The following GALNTL6 variants were observed in gnomAD, a reference collection of about 807,000 sequenced individuals.
The protein encoded by GALNTL6 is polypeptide N-acetylgalactosaminyltransferase-like 6.
Under a neutral mutation model 73.7 loss-of-function variants are expected in GALNTL6, and 46 were observed. The observed-to-expected ratio is 0.62, with a 90% CI of 0.49 to 0.80. GALNTL6 has a LOEUF of 0.80. Among genes scored for constraint, GALNTL6 ranks in the 30% least tolerant of loss-of-function variants. GALNTL6 has a pLI of 0.00. For synonymous variants in GALNTL6, 259 were observed against 263.7 expected (o/e 0.98, Z 0.17); for missense variants, 604 against 755.0 (o/e 0.80, Z 2.34).
chr4:171,884,446 G>A (rs776270202), intron 2 of GALNTL6, among the ~76,000 whole-genome samples: 22 of 151,950 alleles, frequency 1.4e-4, no homozygotes, highest in Non-Finnish European at 2.9e-4. Flanking sequence ...AGAGAAAACA[G>A]GCACAAGAAG....
At chr4:171,837,633 TATATA>T (rs1182710863) in intron 2 of GALNTL6, among the ~76,000 whole-genome samples, 3 of 147,162 alleles carry the variant, frequency 2.0e-5, no homozygotes, top group African/African-American at 4.9e-5. Context: ...TGTATATATT[TATATA>T]ATATATTAAT....
chr4:172,551,673 T>C (rs1735958580), intron 5 of GALNTL6, among the ~76,000 whole-genome samples: 1 of 152,114 alleles, frequency 6.6e-6, no homozygotes. Flanking sequence ...TCTGTAACAG[T>C]AATTTGGTAG....
intron 10 of GALNTL6, among the ~76,000 whole-genome samples, chr4:172,959,039 C>G (rs1019679499): frequency 6.6e-6 from 1 of 152,132 alleles, no homozygotes; most frequent in Admixed American, 6.5e-5. Flanking sequence ...AGTTTATAGG[C>G]TTTAAAAGGC....
intron 7 of GALNTL6, among the ~76,000 whole-genome samples, chr4:172,826,937 C>T (rs894015360): frequency 3.9e-5 from 6 of 152,356 alleles, no homozygotes; most frequent in African/African-American, 1.4e-4. Flanking sequence ...TTCTCCTCCA[C>T]TCTCAGGATG....
chr4:172,422,115 C>T (rs1731072227), intron 5 of GALNTL6, among the ~76,000 whole-genome samples: 1 of 152,112 alleles, frequency 6.6e-6, no homozygotes, highest in Non-Finnish European at 1.5e-5. Flanking sequence ...GCAACAATAA[C>T]AACCTCATAG....
intron 2 of GALNTL6, among the ~76,000 whole-genome samples, chr4:171,906,817 C>G (rs1737297556): frequency 6.6e-6 from 1 of 152,138 alleles, no homozygotes; most frequent in South Asian, 2.1e-4. Flanking sequence ...GGCTTCATCC[C>G]TGGGATGCAA....
chr4:172,616,751 C>T (rs1423677689), intron 5 of GALNTL6, among the ~76,000 whole-genome samples: 3 of 152,106 alleles, frequency 2.0e-5, no homozygotes, highest in Non-Finnish European at 4.4e-5. Flanking sequence ...GTGAACAACC[C>T]AGGCTAAGGG....
intron 2 of GALNTL6, among the ~76,000 whole-genome samples, chr4:171,838,926 AC>A (rs1297296489): frequency 6.6e-6 from 1 of 152,160 alleles, no homozygotes; most frequent in African/African-American, 2.4e-5. Context: ...CACTCTAGGG[AC>A]TGCTCTCTGC....
chr4:172,926,432 C>T (rs1489469995), intron 8 of GALNTL6, among the ~76,000 whole-genome samples: 1 of 152,174 alleles, frequency 6.6e-6, no homozygotes, highest in Non-Finnish European at 1.5e-5. Context: ...AAATACTCTC[C>T]TAAGATGCAT....
At chr4:172,067,956 C>T (rs1362078309) in intron 2 of GALNTL6, among the ~76,000 whole-genome samples, 1 of 109,732 alleles carries the variant, frequency 9.1e-6, no homozygotes, top group East Asian at 2.1e-4. Flanking sequence ...GAATCAGTTC[C>T]TCTTGGGGTG....
At chr4:172,128,090 C>G (rs1340376959) in intron 2 of GALNTL6, among the ~76,000 whole-genome samples, 1 of 151,356 alleles carries the variant, frequency 6.6e-6, no homozygotes, top group Non-Finnish European at 1.5e-5. Context: ...GACGACAGAA[C>G]AAGATTCCGT....
intron 5 of GALNTL6, among the ~76,000 whole-genome samples, chr4:172,503,874 T>G (rs1469650889): frequency 1.8e-5 from 1 of 56,232 alleles, no homozygotes; most frequent in East Asian, 0.012. Context: ...AAGGACAGAG[T>G]CCAAGCACAG....
intron 5 of GALNTL6, among the ~76,000 whole-genome samples, chr4:172,374,084 T>G (rs1742933197): frequency 6.6e-6 from 1 of 152,180 alleles, no homozygotes; most frequent in Non-Finnish European, 1.5e-5. Context: ...CACCTTCCAG[T>G]GATTGCCTCG....
At chr4:172,866,436 A>G (rs893541596) in intron 7 of GALNTL6, among the ~76,000 whole-genome samples, 1 of 152,184 alleles carries the variant, frequency 6.6e-6, no homozygotes, top group East Asian at 1.9e-4. Context: ...AGTTTTTTCC[A>G]TTGTCCAGTG....
intron 2 of GALNTL6, among the ~76,000 whole-genome samples, chr4:172,023,390 A>G (rs1168926605): frequency 5.3e-5 from 8 of 151,860 alleles, no homozygotes; most frequent in Non-Finnish European, 1.0e-4. Context: ...CTGCTATGCA[A>G]TTATCAAGTA....
intron 2 of GALNTL6, among the ~76,000 whole-genome samples, chr4:172,015,174 T>C (rs1421348906): frequency 6.6e-6 from 1 of 152,108 alleles, no homozygotes; most frequent in East Asian, 1.9e-4. Flanking sequence ...ACTATTATTG[T>C]GGTGCCCTCT....
chr4:172,444,539 T>A (rs1731950646), intron 5 of GALNTL6, among the ~76,000 whole-genome samples: 1 of 152,222 alleles, frequency 6.6e-6, no homozygotes, highest in Non-Finnish European at 1.5e-5. Flanking sequence ...GATACTTCCA[T>A]GCCTCAGACC....
At chr4:172,294,196 C>A (rs1039710113) in intron 3 of GALNTL6, among the ~76,000 whole-genome samples, 10 of 151,934 alleles carry the variant, frequency 6.6e-5, no homozygotes, top group Admixed American at 6.6e-5. Flanking sequence ...GTTTTCTAAT[C>A]TTTTTTATTT....
chr4:172,660,106 T>C (rs1373207977), intron 5 of GALNTL6, among the ~76,000 whole-genome samples: 1 of 152,188 alleles, frequency 6.6e-6, no homozygotes, highest in Non-Finnish European at 1.5e-5. Flanking sequence ...CGTTGCTTTT[T>C]AGAAAAGAGG....
Sources: allele counts gnomAD v4.1 joint callset (sites outside exome capture counted in the v4.1 genomes callset), GRCh38; gene constraint gnomAD v4.1.1; transcripts MANE v1.5; gene names NCBI Gene and HGNC (gene_info 2026-07-23, HGNC 2026-07-21).